KCNH8: variants seen among roughly 807,000 people sequenced by gnomAD.
KCNH8 encodes voltage-gated delayed rectifier potassium channel KCNH8.
A neutral mutation model predicts 103.6 loss-of-function variants in KCNH8; 70 were observed. The ratio of observed to expected loss-of-function variants is 0.68; its 90% CI spans 0.56 to 0.82. The LOEUF (loss-of-function observed/expected upper bound fraction) is 0.82. Among genes scored for constraint, KCNH8 ranks in the 40% least tolerant of loss-of-function variants. KCNH8 has a pLI of 0.00. For missense variants in KCNH8, 1,217 were observed against 1,329.9 expected (o/e 0.92, Z 1.32); for synonymous variants, 498 against 489.4 (o/e 1.02, Z -0.23).
At chr3:19,370,123 A>G (rs1291618260) in intron 5 of KCNH8, among the ~76,000 whole-genome samples, 1 of 152,042 alleles carries the variant, frequency 6.6e-6, no homozygotes, top group Non-Finnish European at 1.5e-5. Flanking sequence ...CCTTTAGGAT[A>G]TAGTTCGCTT....
intron 11 of KCNH8, among the ~76,000 whole-genome samples, chr3:19,495,760 T>C (rs191768779): frequency 1.3e-5 from 2 of 151,696 alleles, no homozygotes; most frequent in Admixed American, 1.3e-4. Context: ...GGCAGTTTCA[T>C]AGGCATAGCA....
intron 7 of KCNH8, among the ~76,000 whole-genome samples, chr3:19,433,483 G>A (rs2067153084): frequency 6.6e-6 from 1 of 152,170 alleles, no homozygotes; most frequent in Admixed American, 6.6e-5. Flanking sequence ...AATCTTAGAT[G>A]TGAAAGCGAA....
chr3:19,330,852 A>G lies in KCNH8; in HGVS notation c.443-11735A>G, dbSNP rs1201589349. On this transcript the variant is annotated intron_variant, in intron 3 of 15. Coordinates refer to ENST00000328405, the MANE Select transcript of KCNH8 (RefSeq NM_144633.3). ...GATCACCTATAGGCAAAGGATAATC[A>G]TGTATTGTGATATGCCTAGTTTTTT... 2.6e-5 allele frequency among the ~76,000 whole-genome samples: 4 copies of G among 152,200 alleles called. No individual in the cohort carries two copies. In the East Asian group the frequency reaches 7.7e-4, roughly 29 times the overall value.
chr3:19,320,202 A>G (rs534684282), intron 3 of KCNH8, among the ~76,000 whole-genome samples: 2 of 152,194 alleles, frequency 1.3e-5, no homozygotes, highest in African/African-American at 4.8e-5. Flanking sequence ...TATGTTGAAT[A>G]TAAGTGGTGA....
intron 6 of KCNH8, chr3:19,391,570 A>C (rs1359060769): frequency 6.6e-6 from 1 of 152,108 alleles, no homozygotes. Flanking sequence ...TCACAGTTTC[A>C]AATACAATTA....
At chr3:19,224,405 G>C (rs1411845923) in intron 1 of KCNH8, among the ~76,000 whole-genome samples, 1 of 151,944 alleles carries the variant, frequency 6.6e-6, no homozygotes, top group Non-Finnish European at 1.5e-5. Context: ...TACTTGTTTT[G>C]AAAATTATGA....
At chr3:19,237,133 T>A (rs1409391665) in intron 1 of KCNH8, among the ~76,000 whole-genome samples, 1 of 152,210 alleles carries the variant, frequency 6.6e-6, no homozygotes, top group Non-Finnish European at 1.5e-5. Context: ...TATTTATAAA[T>A]CCCCTAGGAA....
intron 7 of KCNH8, among the ~76,000 whole-genome samples, chr3:19,398,424 C>CA (rs1465170993): frequency 1.3e-5 from 2 of 151,838 alleles, no homozygotes; most frequent in East Asian, 3.9e-4. Flanking sequence ...TTTGTGACAG[C>CA]AGGGTTATTA....
intron 8 of KCNH8, among the ~76,000 whole-genome samples, chr3:19,444,818 A>G (rs1263594308): frequency 1.3e-5 from 2 of 151,922 alleles, no homozygotes; most frequent in African/African-American, 4.8e-5. Context: ...CACCAAAATG[A>G]TATGTTTAAA....
Position 19,340,869 on chromosome 3 carries a change from G to C in KCNH8, c.443-1718G>C, listed in dbSNP as rs11914984. Among the ~76,000 whole-genome samples the C allele has an allele frequency of 5.7e-3, 863 of 152,192 alleles. 6 individuals carry two copies. The highest frequency in any genetic ancestry group is 0.019 in the African/African-American group (808 of 41,536). On this transcript the variant is annotated intron_variant, in intron 3 of 15. Coordinates refer to ENST00000328405, the MANE Select transcript of KCNH8 (RefSeq NM_144633.3). ...CTTGGAGGAAATAATTCAGCCAAGG[G>C]GCAGAAGTAGGTTTAAGGCAGAGGG...
intron 1 of KCNH8, among the ~76,000 whole-genome samples, chr3:19,153,090 G>A (rs1329824245): frequency 1.3e-5 from 2 of 152,116 alleles, no homozygotes; most frequent in South Asian, 2.1e-4. Context: ...GAAGGATAAT[G>A]TACCCATTAT....
chr3:19,325,422 A>AT (rs1319308903), intron 3 of KCNH8, among the ~76,000 whole-genome samples: 2 of 152,102 alleles, frequency 1.3e-5, no homozygotes, highest in African/African-American at 2.4e-5. Context: ...ATGGTGGAAA[A>AT]TTTTTTGCAA....
intron 11 of KCNH8, among the ~76,000 whole-genome samples, chr3:19,509,044 T>C (rs2068741671): frequency 6.6e-6 from 1 of 152,240 alleles, no homozygotes; most frequent in Non-Finnish European, 1.5e-5. Flanking sequence ...TCTACCACAG[T>C]AGCAAGAACA....
At chr3:19,381,863 T>C (rs2066293004) in intron 5 of KCNH8, among the ~76,000 whole-genome samples, 1 of 152,150 alleles carries the variant, frequency 6.6e-6, no homozygotes, top group African/African-American at 2.4e-5. Context: ...CTCCAGCAAT[T>C]GGATTAATAG....
Position 19,239,676 on chromosome 3 carries a change from AT to A in KCNH8, c.77-13977del, listed in dbSNP as rs1227477358. ...TATCTATCTATCTATCTATCTATCT[AT>A]CTATCTACCTACCTACCTATCTATC... is the stretch of plus-strand genomic sequence containing the variant. On this transcript the variant is annotated intron_variant, in intron 1 of 15. Coordinates refer to ENST00000328405, the MANE Select transcript of KCNH8 (RefSeq NM_144633.3). Among the ~76,000 whole-genome samples the A allele has an allele frequency of 2.2e-3, 328 of 151,928 alleles. 1 individual carries two copies. The highest frequency in any genetic ancestry group is 6.2e-3 in the African/African-American group (257 of 41,378).
At chr3:19,308,748 C>G (rs2065169731) in intron 3 of KCNH8, among the ~76,000 whole-genome samples, 1 of 89,168 alleles carries the variant, frequency 1.1e-5, no homozygotes, top group Non-Finnish European at 2.1e-5. Context: ...CTCTCTCCCT[C>G]TCTCCCTCTC....
chr3:19,500,954 C>CA (rs2068568549), intron 11 of KCNH8, among the ~76,000 whole-genome samples: 1 of 151,848 alleles, frequency 6.6e-6, no homozygotes, highest in African/African-American at 2.4e-5. Flanking sequence ...AATAGAGACA[C>CA]AAAAAACCCT....
chr3:19,217,707 C>G (rs1348996939), intron 1 of KCNH8, among the ~76,000 whole-genome samples: 5 of 152,152 alleles, frequency 3.3e-5, no homozygotes, highest in African/African-American at 2.4e-5. Flanking sequence ...TCCAGGCAGG[C>G]TGGCTTCAGC....
chr3:19,485,258 C>T (rs952472578), intron 11 of KCNH8, among the ~76,000 whole-genome samples: 25 of 152,282 alleles, frequency 1.6e-4, no homozygotes, highest in African/African-American at 6.0e-4. Flanking sequence ...GATCAGCCTC[C>T]ACCTACCTAG....
Sources: allele counts gnomAD v4.1 joint callset (sites outside exome capture counted in the v4.1 genomes callset), GRCh38; gene constraint gnomAD v4.1.1; transcripts MANE v1.5; gene names NCBI Gene and HGNC (gene_info 2026-07-23, HGNC 2026-07-21).